The following ZFHX3 variants were observed in gnomAD, a reference collection of about 807,000 sequenced individuals.
ZFHX3 encodes the protein zinc finger homeobox 3, also known as zinc finger homeobox protein 3.
ZFHX3 carries 42 observed loss-of-function variants against 279.1 expected under a neutral mutation model. The ratio of observed to expected loss-of-function variants is 0.15; its 90% CI spans 0.12 to 0.19. The LOEUF (loss-of-function observed/expected upper bound fraction) is 0.19. Ranked by LOEUF, ZFHX3 falls within the 10% of genes least tolerant of loss-of-function variation. ZFHX3 has a pLI of 1.00. For synonymous variants in ZFHX3, 2,293 were observed against 1,957.8 expected, an observed-to-expected ratio of 1.17 and a Z score of -4.52; for missense variants, 4,981 against 4,754.0, an observed-to-expected ratio of 1.05 and a Z score of -1.40.
chr16:73,187,673 G>A (rs1967943884), intron 5 of ZFHX3, among the ~76,000 whole-genome samples: 1 of 152,204 alleles, frequency 6.6e-6, no homozygotes, highest in African/African-American at 2.4e-5. Flanking sequence ...AAATGGAGCA[G>A]GCGAGTCTCT....
intron 1 of ZFHX3, among the ~76,000 whole-genome samples, chr16:73,027,804 C>T (rs1287432202): frequency 6.6e-6 from 1 of 152,210 alleles, no homozygotes; most frequent in Non-Finnish European, 1.5e-5. Flanking sequence ...TATGATGTCA[C>T]TAACCTTTAT....
chr16:73,782,242 G>C (rs1462860213), intron 1 of ZFHX3, among the ~76,000 whole-genome samples: 1 of 152,174 alleles, frequency 6.6e-6, no homozygotes, highest in Non-Finnish European at 1.5e-5. Context: ...CCTCTGTTTT[G>C]TTGGGTAGGT....
intron 7 of ZFHX3, among the ~76,000 whole-genome samples, chr16:73,116,718 G>A (rs1054438596): frequency 6.6e-6 from 1 of 152,210 alleles, no homozygotes; most frequent in Non-Finnish European, 1.5e-5. Context: ...GGTTGGCTAA[G>A]AGAGGTTCTT....
At chr16:73,217,525 T>C (rs2012257832) in intron 5 of ZFHX3, among the ~76,000 whole-genome samples, 1 of 152,150 alleles carries the variant, frequency 6.6e-6, no homozygotes, top group Non-Finnish European at 1.5e-5. Context: ...ATTAAGACCA[T>C]TGTAAATTTG....
intron 2 of ZFHX3, among the ~76,000 whole-genome samples, chr16:73,670,288 C>T (rs948316876): frequency 6.6e-6 from 1 of 152,128 alleles, no homozygotes; most frequent in Non-Finnish European, 1.5e-5. Context: ...AATCTAAAAT[C>T]TGAAAATAAT....
chr16:73,756,546 C>T (rs1447039438), intron 1 of ZFHX3, among the ~76,000 whole-genome samples: 5 of 152,224 alleles, frequency 3.3e-5, no homozygotes, highest in East Asian at 3.9e-4. Flanking sequence ...ATCCTCCTCC[C>T]GCCCTTCACT....
rs1258202305 is a variant in ZFHX3 at position 72,938,982 on chromosome 16, T to A, written c.3216+11487A>T. ...AGTGCTTCCTCAAGCACAGCTGGCTTCGGAGTCACACTTGCTGACTCATGT... is the reference window on the plus strand; with the variant it reads ...AGTGCTTCCTCAAGCACAGCTGGCTACGGAGTCACACTTGCTGACTCATGT... On this transcript the variant is annotated intron_variant, in intron 3 of 9. Coordinates refer to ENST00000268489, the MANE Select transcript of ZFHX3 (RefSeq NM_006885.4). 2.0e-5 allele frequency among the ~76,000 whole-genome samples: 3 copies of A among 151,292 alleles called. No individual in the cohort carries two copies. In the East Asian group the frequency reaches 5.8e-4, roughly 29 times the overall value.
chr16:73,659,057 A>G (rs930508059), intron 2 of ZFHX3, among the ~76,000 whole-genome samples: 1 of 152,318 alleles, frequency 6.6e-6, no homozygotes, highest in East Asian at 1.9e-4. Flanking sequence ...AGATGGCAAA[A>G]AAGGAAAAAC....
rs1181462189 is a variant in ZFHX3, at chr16:72,991,752, G to T, written c.-49-31558C>A. On this transcript the variant is annotated intron_variant, in intron 1 of 9. Coordinates refer to ENST00000268489, the MANE Select transcript of ZFHX3 (RefSeq NM_006885.4). ...CACACACAAGTACTCAGACTTCCAG[G>T]CCAGTGTCTTTTCCATCATCTTTTT... Among the ~76,000 whole-genome samples the T allele has an allele frequency of 4.6e-5, 7 of 152,166 alleles. No individual in the cohort carries two copies. The East Asian group carries it at 1.2e-3, about 25-fold the overall frequency.
intron 2 of ZFHX3, among the ~76,000 whole-genome samples, chr16:73,463,258 T>C (rs950500750): frequency 2.6e-5 from 4 of 152,204 alleles, no homozygotes; most frequent in Non-Finnish European, 5.9e-5. Context: ...ATGTAAGTAA[T>C]CCCATTAAGA....
chr16:72,896,401 A>T (rs1025283005), intron 3 of ZFHX3, among the ~76,000 whole-genome samples: 1 of 152,174 alleles, frequency 6.6e-6, no homozygotes, highest in Non-Finnish European at 1.5e-5. Context: ...GGTCTGGCTC[A>T]CTGAGAAGAA....
At chr16:73,058,354 G>GGA (rs1965613194) in intron 1 of ZFHX3, among the ~76,000 whole-genome samples, 1 of 148,940 alleles carries the variant, frequency 6.7e-6, no homozygotes, top group Non-Finnish European at 1.5e-5. Flanking sequence ...GCGGGCGCGG[G>GGA]GAGCGCGGGC....
chr16:73,692,834 G>T (rs1330649729), intron 1 of ZFHX3, among the ~76,000 whole-genome samples: 3 of 152,176 alleles, frequency 2.0e-5, no homozygotes, highest in Non-Finnish European at 4.4e-5. Context: ...AAGAAACAAA[G>T]TTAACATCCA....
intron 7 of ZFHX3, among the ~76,000 whole-genome samples, chr16:73,121,707 CTGGG>C (rs927627890): frequency 8.6e-5 from 13 of 151,716 alleles, no homozygotes; most frequent in Non-Finnish European, 1.8e-4. Flanking sequence ...GCTCTGCCTC[CTGGG>C]TTCTCGCCAT....
At chr16:73,734,077 C>A (rs2053590093) in intron 1 of ZFHX3, among the ~76,000 whole-genome samples, 7 of 152,120 alleles carry the variant, frequency 4.6e-5, no homozygotes, top group Admixed American at 4.6e-4. Context: ...AACCTAGATC[C>A]CTCACATGCT....
chr16:73,257,805 A>G (rs1567432609), intron 4 of ZFHX3, among the ~76,000 whole-genome samples: 1 of 152,246 alleles, frequency 6.6e-6, no homozygotes, highest in Non-Finnish European at 1.5e-5. Context: ...ACAACCTTAC[A>G]GGTTGGTTAT....
upstream of ZFHX3, among the ~76,000 whole-genome samples, chr16:73,063,139 G>C (rs991663202): frequency 6.6e-6 from 1 of 152,210 alleles, no homozygotes; most frequent in Admixed American, 6.5e-5. Context: ...CGGGCTGCTC[G>C]CAGTGCCGGG....
chr16:72,851,973 T>C (rs2037630579), intron 4 of ZFHX3, among the ~76,000 whole-genome samples: 1 of 152,230 alleles, frequency 6.6e-6, no homozygotes, highest in South Asian at 2.1e-4. Flanking sequence ...TTGCGTAGAC[T>C]TTAGCATAAA....
At chr16:73,468,274 C>T (rs903157274) in intron 2 of ZFHX3, among the ~76,000 whole-genome samples, 5 of 152,178 alleles carry the variant, frequency 3.3e-5, no homozygotes, top group African/African-American at 1.2e-4. Context: ...CCCCATCTTC[C>T]AGGCAGCAGG....
Sources: allele counts gnomAD v4.1 joint callset (sites outside exome capture counted in the v4.1 genomes callset), GRCh38; gene constraint gnomAD v4.1.1; transcripts MANE v1.5; gene names NCBI Gene and HGNC (gene_info 2026-07-23, HGNC 2026-07-21).